Variants in CRIP2 observed in about 807,000 individuals in gnomAD.
CRIP2 encodes cysteine rich protein 2, also known as cysteine-rich protein 2.
CRIP2 carries 31 observed loss-of-function variants against 31.3 expected under a neutral mutation model. The ratio of observed to expected loss-of-function variants is 0.99; its 90% confidence interval spans 0.74 to 1.34. CRIP2 has a LOEUF of 1.34. CRIP2 is among the 40% of genes most tolerant of loss of function. The pLI, the probability that CRIP2 is intolerant of heterozygous loss-of-function variation, is 0.00. For missense variants in CRIP2, 389 were observed against 301.6 expected (o/e 1.29, Z -2.15); for synonymous variants, 177 against 127.2 (o/e 1.39, Z -2.63).
chr14:105,479,568 A>G lies in CRIP2; in HGVS notation c.560-18A>G, dbSNP rs781835354. On this transcript the variant is annotated intron_variant, in intron 7 of 7. Coordinates refer to ENST00000329146, the MANE Select transcript of CRIP2 (RefSeq NM_001312.4). ...CTCCACTGTTCCCCCGACCCACCCC[A>G]GCGGCCTCCCTCCACAGGAGTGAAC... The G allele has an allele frequency of 6.2e-7, 1 of 1,612,506 alleles. No homozygotes were observed. Among genetic ancestry groups the G allele is most frequent in the African/African-American group, 1.3e-5 (1 of 74,868 alleles).
At chr14:105,476,929 C>T (rs147326408) in intron 1 of CRIP2, 330 of 269,668 alleles carry the variant, frequency 1.2e-3, no homozygotes, top group Middle Eastern at 5.8e-3. Context: ...CATCTCACTG[C>T]CAGGAGCAGC....
Position 105,478,516 on chromosome 14 carries a change from C to G in CRIP2, c.196+9C>G. On this transcript the variant is annotated intron_variant, in intron 3 of 7. Transcript: ENST00000329146. This position sits in a 1 kb window ranked among gnomAD's most constrained non-coding sequence, Gnocchi z 4.9. Reference sequence around the variant, plus strand: ...CCTGTTCGGACCCAAAGGTGAGCTCCGGCTGCCCTCGGCCTGCCCTGGGAC... The same window carrying G: ...CCTGTTCGGACCCAAAGGTGAGCTCGGGCTGCCCTCGGCCTGCCCTGGGAC... The G allele has an allele frequency of 6.2e-7, 1 of 1,606,144 alleles. No individual in the cohort carries two copies. Among genetic ancestry groups the G allele is most frequent in the African/African-American group, 1.3e-5 (1 of 74,908 alleles).
rs782687371 is a variant in CRIP2, at chr14:105,479,025, C to G, written c.384C>G (p.Arg128=). ...CCGGGGAGCCCAACACGTGCCCGCG[C>G]TGCAGCAAGAAGGTGTACTTCGGTG... is the stretch of plus-strand genomic sequence containing the variant. The part of the protein sequence containing the change: ...TFTGEPNTCP[R]CSKKVYFAEK... Residue 128 remains arginine, a synonymous_variant, in exon 5 of 8, where the codon CGC becomes CGG. Coordinates refer to ENST00000329146, the MANE Select transcript of CRIP2 (RefSeq NM_001312.4). 1.1e-5 allele frequency: 17 copies of G among 1,583,910 alleles called. No homozygotes were observed. The South Asian group carries it at 1.5e-4, about 14-fold the overall frequency.
In CRIP2 at chr14:105,478,821, C is replaced by T. The variant is rs904360907; in HGVS notation, c.287C>T (p.Ala96Val). Residue 96 changes from alanine to valine, a missense_variant, in exon 4 of 8, where the codon GCC becomes GTC. Transcript: ENST00000329146. This position sits in a 1 kb window ranked among gnomAD's most constrained non-coding sequence, Gnocchi z 4.9. The part of the protein sequence containing the change: ...QVTGPIEVPA[A>V]RAEERKASGP... ...ACCGGCCCCATCGAGGTCCCCGCGG[C>T]CCGAGCAGAGGAGCGGAAGGCGAGC... 4 of 1,430,982 alleles carry T rather than the reference C, an allele frequency of 2.8e-6. No individual in the cohort carries two copies. In the African/African-American group the frequency reaches 4.5e-5, roughly 16 times the overall value. The allele number at this position is 1,430,982 out of a possible 1,614,324, so 88.6% of individuals were successfully genotyped here.
intron 6 of CRIP2, 101 bp from the exon 7 acceptor site, chr14:105,479,335 C>G: frequency 1.9e-6 from 3 of 1,556,174 alleles, no homozygotes; most frequent in South Asian, 2.3e-5. Flanking sequence ...CTGCGCTGCC[C>G]TCTCCCCCAC....
chr14:105,473,602 T>C (rs2083877734), upstream of CRIP2: 3 of 1,415,624 alleles, frequency 2.1e-6, no homozygotes, highest in Non-Finnish European at 1.9e-6. Context: ...ATCACTGGGC[T>C]TCTGGGATCT....
At chr14:105,473,472 T>C (rs2083875942), upstream of CRIP2, 1 of 1,535,488 alleles carries the variant, frequency 6.5e-7, no homozygotes, top group African/African-American at 1.4e-5. Context: ...GGCCTCTGGT[T>C]GGCTCACAAA....
rs372425630 is a variant in CRIP2 at position 105,474,890 on chromosome 14, A to C, written c.28A>C (p.Lys10Gln). The change falls in exon 1 of 8, where the codon AAG becomes CAG. Residue 10 changes from lysine (K) to glutamine (Q), a missense_variant. Transcript: ENST00000329146. This position sits in a 1 kb window ranked among gnomAD's most constrained non-coding sequence, Gnocchi z 5.1. The stretch of plus-strand genomic sequence containing the variant: ...GGCCTCCAAATGCCCCAAGTGCGAC[A>C]AGACCGTGTACTTCGGTGAGTGCGT... MASKCPKCD[K>Q]TVYFAEKVSS... 2.6e-6 allele frequency: 4 copies of C among 1,521,634 alleles called. No individual in the cohort carries two copies. The African/African-American group carries it at 4.3e-5, about 16-fold the overall frequency. 94.3% of individuals were successfully genotyped at this position (1,521,634 alleles called of 1,614,324 possible). A position where few individuals can be genotyped will look rare whatever the true frequency, so the allele number is the denominator to read the frequency against.
intron 1 of CRIP2, chr14:105,475,723 G>C (rs1237724533): frequency 2.8e-6 from 2 of 718,474 alleles, no homozygotes; most frequent in Non-Finnish European, 3.4e-6. Context: ...CCCCCGTCTG[G>C]GCTTACTCAC....
rs2084057668 is a variant in CRIP2, at chr14:105,479,983, G to A, written c.*330G>A. 3 of 365,040 alleles carry A rather than the reference G, an allele frequency of 8.2e-6. No homozygotes were observed. The South Asian group carries it at 9.1e-5, about 11-fold the overall frequency. The allele number at this position is 365,040 out of a possible 1,614,324, so 22.6% of individuals were successfully genotyped here. A position where few individuals can be genotyped will look rare whatever the true frequency, so the allele number is the denominator to read the frequency against. The stretch of plus-strand genomic sequence containing the variant: ...TCCCTCTCCTGCTGCCCACCCACCT[G>A]CCAGTGTTATTTATGCTCCCTTCGT... On this transcript the variant is annotated 3_prime_UTR_variant, in exon 8 of 8. Coordinates refer to ENST00000329146, the MANE Select transcript of CRIP2 (RefSeq NM_001312.4).
Position 105,479,172 on chromosome 14 carries a change from C to A in CRIP2, c.454C>A (p.Arg152Ser). ...LGKDWHRPCLRCERCGKTLTP... is the reference protein window; with the variant it reads ...LGKDWHRPCLSCERCGKTLTP... ...CAAGGATTGGCACCGGCCCTGCCTG[C>A]GCTGCGAGCGCTGCGGGAAGACACT... is the stretch of plus-strand genomic sequence containing the variant. The change falls in exon 6 of 8, where the codon CGC becomes AGC. Residue 152 changes from arginine (R) to serine (S), a missense_variant. Physicochemically the swap from Arg to Ser is moderately radical, Grantham distance 110. Transcript: ENST00000329146. 1 of 1,611,612 alleles carries A rather than the reference C, an allele frequency of 6.2e-7. No individual in the cohort carries two copies. The highest frequency in any genetic ancestry group is 8.5e-7 in the Non-Finnish European group (1 of 1,179,466).
chr14:105,475,989 G>T, intron 1 of CRIP2: 3 of 985,568 alleles, frequency 3.0e-6, no homozygotes, highest in Non-Finnish European at 3.6e-6. Flanking sequence ...GGGTTGAGGG[G>T]AGGTTGTATT....
At position 105,479,420 on chromosome 14, in the gene CRIP2, C is replaced by T. The variant is rs781987341; in HGVS notation, c.502-16C>T. 15 of 1,612,602 alleles carry T rather than the reference C, an allele frequency of 9.3e-6. No individual in the cohort carries two copies. In the South Asian group the frequency reaches 1.5e-4, roughly 17 times the overall value. On this transcript the variant is annotated splice_polypyrimidine_tract_variant and intron_variant, in intron 6 of 7. Coordinates refer to ENST00000329146, the MANE Select transcript of CRIP2 (RefSeq NM_001312.4). The stretch of plus-strand genomic sequence containing the variant: ...AGTCTGTGGACTCCTCCCTCAGCAC[C>T]CACCTTCTGCCCCAGCACGACGGCC...
chr14:105,478,626 T>A lies in CRIP2; in HGVS notation c.197-105T>A. 1 of 1,504,672 alleles carries A rather than the reference T, an allele frequency of 6.6e-7. No individual in the cohort carries two copies. Among genetic ancestry groups the A allele is most frequent in the Non-Finnish European group, 8.9e-7 (1 of 1,124,592 alleles). The allele number at this position is 1,504,672 out of a possible 1,614,324, so 93.2% of individuals were successfully genotyped here. ...TCCCCGCCCAGAGTCCCTGCCACCC[T>A]GGAAAGCCTAGTGCCCCCCAGTCCC... On this transcript the variant is annotated intron_variant, in intron 3 of 7. Transcript: ENST00000329146. This position sits in a 1 kb window ranked among gnomAD's most constrained non-coding sequence, Gnocchi z 4.9.
At chr14:105,473,144 A>G, upstream of CRIP2, 5 of 1,362,916 alleles carry the variant, frequency 3.7e-6, no homozygotes, top group Non-Finnish European at 5.0e-6. Context: ...AGGGTTTGGC[A>G]GTGGGCCCAT....
At position 105,478,323 on chromosome 14, in the gene CRIP2, G is replaced by GCT; in HGVS notation, c.102_103dup (p.Cys35SerfsTer6). On this transcript the variant is annotated frameshift_variant, in exon 2 of 8. Transcript: ENST00000329146. LOFTEE classifies it high-confidence loss of function. This position sits in a 1 kb window ranked among gnomAD's most constrained non-coding sequence, Gnocchi z 4.9. ...CACAAGTTCTGCCTCAAGTGCGAGC[G>GCT]CTGCAGCAAGACGCTGACGCCCGGG... 6.4e-7 allele frequency: 1 copy of GCT among 1,569,428 alleles called. No homozygotes were observed. The highest frequency in any genetic ancestry group is 8.6e-7 in the Non-Finnish European group (1 of 1,160,750).
At position 105,479,232 on chromosome 14, in the gene CRIP2, C is replaced by A; in HGVS notation, c.501+13C>A. The A allele has an allele frequency of 6.3e-7, 1 of 1,574,880 alleles. No homozygotes were observed. Among genetic ancestry groups the A allele is most frequent in the Non-Finnish European group, 8.7e-7 (1 of 1,149,120 alleles). On this transcript the variant is annotated intron_variant, in intron 6 of 7. Coordinates refer to ENST00000329146, the MANE Select transcript of CRIP2 (RefSeq NM_001312.4). ...CGGGCACGCGGAGGTGAGGGGAGTG[C>A]AACGGGGCTTGGGGGCCGGGCAGGG...
At chr14:105,477,427 G>A (rs948774662) in intron 1 of CRIP2, 10 of 985,024 alleles carry the variant, frequency 1.0e-5, no homozygotes, top group East Asian at 1.2e-4. Context: ...CCACGGGGAC[G>A]GGGCCTGGCC....
Position 105,478,863 on chromosome 14 carries a change from C to A in CRIP2, c.329C>A (p.Pro110His). ...ERKASGPPKG[P>H]SRASSVTTFT... ...AAGGCGAGCGGCCCCCCGAAGGGGC[C>A]CAGCAGAGGTGGGCTGGGCGCGGGC... Residue 110 changes from proline (P) to histidine (H), a missense_variant, in exon 4 of 8, where the codon CCC becomes CAC. Transcript: ENST00000329146. The surrounding 1 kb of genome is among the most constrained non-coding windows in gnomAD (Gnocchi z 4.9). 1 of 1,433,672 alleles carries A rather than the reference C, an allele frequency of 7.0e-7. No homozygotes were observed. The highest frequency in any genetic ancestry group is 3.0e-5 in the Admixed American group (1 of 33,644). 88.8% of individuals were successfully genotyped at this position (1,433,672 alleles called of 1,614,324 possible). A position where few individuals can be genotyped will look rare whatever the true frequency, so the allele number is the denominator to read the frequency against.
Sources: allele counts gnomAD v4.1 joint callset, GRCh38; gene constraint gnomAD v4.1.1; non-coding constraint Gnocchi (gnomAD v3.1); transcripts MANE v1.5; gene names NCBI Gene and HGNC (gene_info 2026-07-23, HGNC 2026-07-21).